The following NPC1 variants were observed in gnomAD, a reference collection of about 807,000 sequenced individuals.
NPC1 encodes Niemann-Pick C1 protein.
Under a neutral mutation model 140.4 loss-of-function variants are expected in NPC1, and 85 were observed. That is an observed-to-expected ratio of 0.61 (90% confidence interval 0.51 to 0.72). The LOEUF is 0.72. Among genes scored for constraint, NPC1 ranks in the 30% least tolerant of loss-of-function variants. The probability of loss-of-function intolerance (pLI) is 0.00; values close to 1 mark genes in which losing one functional copy is unlikely to be tolerated. For missense variants in NPC1, 1,504 were observed against 1,623.8 expected, an observed-to-expected ratio of 0.93 and a Z score of 1.27; for synonymous variants, 656 against 624.8, an observed-to-expected ratio of 1.05 and a Z score of -0.74.
intron 3 of NPC1, among the ~76,000 whole-genome samples, chr18:23,514,360 A>G (rs2058354170): frequency 6.6e-6 from 1 of 152,186 alleles, no homozygotes; most frequent in African/African-American, 2.4e-5. Flanking sequence ...ATTAAACTCC[A>G]TCTTTACTAA....
chr18:23,528,919 G>T, downstream of NPC1: 1 of 325,010 alleles, frequency 3.1e-6, no homozygotes. Flanking sequence ...TGTTCTTATT[G>T]CCCAGGCTGG....
chr18:23,520,299 A>G, downstream of NPC1: 1 of 1,613,706 alleles, frequency 6.2e-7, no homozygotes, highest in Non-Finnish European at 8.5e-7. Context: ...CAGCCCTATC[A>G]GATCCCCATC....
intron 6 of NPC1, among the ~76,000 whole-genome samples, chr18:23,558,461 T>C (rs2058986776): frequency 6.6e-6 from 1 of 151,890 alleles, no homozygotes; most frequent in African/African-American, 2.4e-5. Context: ...AAATACCAGA[T>C]AAAGCCAAAT....
chr18:23,564,770 CTA>C (rs563127628), intron 4 of NPC1, among the ~76,000 whole-genome samples: 112 of 152,240 alleles, frequency 7.4e-4, no homozygotes, highest in South Asian at 2.5e-3. Flanking sequence ...AAATTAATCC[CTA>C]TGTTTTATTG....
intron 9 of NPC1, among the ~76,000 whole-genome samples, chr18:23,553,665 T>G (rs1422686879): frequency 6.6e-6 from 1 of 152,230 alleles, no homozygotes; most frequent in Non-Finnish European, 1.5e-5. Flanking sequence ...CAAATGTCCC[T>G]AGGCCAGGTC....
intron 24 of NPC1, 131 bp downstream of exon 24, chr18:23,533,224 C>T (rs969898434): frequency 9.7e-7 from 1 of 1,032,454 alleles, no homozygotes. Context: ...AATTTTTTTA[C>T]TCAGTATCAT....
chr18:23,571,176 CTT>C (rs1326770649), intron 3 of NPC1, among the ~76,000 whole-genome samples: 2 of 151,714 alleles, frequency 1.3e-5, no homozygotes, highest in African/African-American at 4.8e-5. Context: ...TTGTTTTTCT[CTT>C]TATTTCTGAC....
chr18:23,537,969 G>A (rs762959230), intron 20 of NPC1, among the ~76,000 whole-genome samples: 11 of 152,130 alleles, frequency 7.2e-5, no homozygotes, highest in Non-Finnish European at 1.6e-4. Context: ...ACCTCCCAAA[G>A]CTTCCAAATC....
intron 16 of NPC1, among the ~76,000 whole-genome samples, chr18:23,540,783 G>C (rs567103974): frequency 6.6e-6 from 1 of 152,108 alleles, no homozygotes; most frequent in Non-Finnish European, 1.5e-5. Context: ...ACCTCTCTTG[G>C]CTTCTATTTC....
intron 3 of NPC1, chr18:23,508,590 A>C (rs2057771299): frequency 6.6e-6 from 1 of 152,540 alleles, no homozygotes; most frequent in African/African-American, 2.4e-5. Context: ...GCGCTGACAG[A>C]AGCTGCTAGT....
At chr18:23,586,162 G>T in intron 1 of NPC1, 125 bp downstream of exon 1, 1 of 980,758 alleles carries the variant, frequency 1.0e-6, no homozygotes, top group Non-Finnish European at 1.5e-6. Context: ...GAACCTCCGA[G>T]CTCTCCATCG....
chr18:23,540,931 A>C (rs2058704170), intron 16 of NPC1, 137 bp downstream of exon 16: 1 of 968,410 alleles, frequency 1.0e-6, no homozygotes, highest in African/African-American at 1.6e-5. Context: ...CTACTGTTCC[A>C]CATTTGCTTT....
intron 3 of NPC1, chr18:23,515,870 A>G: frequency 6.2e-7 from 1 of 1,614,198 alleles, no homozygotes; most frequent in Non-Finnish European, 8.5e-7. Context: ...TACCAGAGAA[A>G]CGGAGTCTGA....
intron 10 of NPC1, among the ~76,000 whole-genome samples, chr18:23,548,643 C>T (rs1314892906): frequency 6.6e-6 from 1 of 152,174 alleles, no homozygotes; most frequent in Non-Finnish European, 1.5e-5. Context: ...TCTTTTCCTA[C>T]AGTATTTTCT....
chr18:23,538,303 C>T (rs570454840), intron 20 of NPC1, among the ~76,000 whole-genome samples: 32 of 152,274 alleles, frequency 2.1e-4, no homozygotes, highest in Non-Finnish European at 2.8e-4. Context: ...GCCCAGGGGG[C>T]CAGGACACAG....
chr18:23,556,334 G>A lies in NPC1; in HGVS notation c.1235C>T (p.Ala412Val), dbSNP rs1824162103. 1.9e-6 allele frequency: 3 copies of A among 1,614,042 alleles called. No homozygotes were observed. Among genetic ancestry groups the A allele is most frequent in the East Asian group, 2.2e-5 (1 of 44,864 alleles). ...GTAAATGTGTTTGTCAGTGAGAGGG[G>A]CCCGGATGATGAGCTGCTCCGTCCG... ...FFRTEQLIIR[A>V]PLTDKHIYQP... The change falls in exon 8 of 25, where the codon GCC becomes GTC. Residue 412 changes from alanine (A) to valine (V), a missense_variant. Ala to Val is a moderately conservative substitution (Grantham distance 64). Transcript: ENST00000269228.
rs749272156 is a variant in NPC1 at position 23,544,542 on chromosome 18, G to A, written c.1948-16C>T. On this transcript the variant is annotated splice_polypyrimidine_tract_variant and intron_variant, in intron 12 of 24. Coordinates refer to ENST00000269228, the MANE Select transcript of NPC1 (RefSeq NM_000271.5). ...TCGAATCCACCTGAGAGAGGCGACA[G>A]ACACAATCACCAATTAGTTACAGGG... 3.1e-6 allele frequency: 5 copies of A among 1,613,518 alleles called. No homozygotes were observed. The Admixed American group carries it at 6.7e-5, about 22-fold the overall frequency.
At chr18:23,528,906 T>A, downstream of NPC1, 1 of 280,152 alleles carries the variant, frequency 3.6e-6, no homozygotes, top group Non-Finnish European at 6.7e-6. Flanking sequence ...TGAGACGGAG[T>A]TTTGTTCTTA....
At chr18:23,550,954 T>C (rs552805776) in intron 10 of NPC1, among the ~76,000 whole-genome samples, 13 of 152,302 alleles carry the variant, frequency 8.5e-5, no homozygotes, top group Admixed American at 6.5e-4. Context: ...AAATTTTAAA[T>C]ACAGATTGCA....
Sources: allele counts gnomAD v4.1 joint callset (sites outside exome capture counted in the v4.1 genomes callset), GRCh38; gene constraint gnomAD v4.1.1; transcripts MANE v1.5; gene names NCBI Gene and HGNC (gene_info 2026-07-23, HGNC 2026-07-21).